Variants in HDAC9 observed in about 807,000 individuals in gnomAD.
HDAC9 encodes the protein histone deacetylase 9.
HDAC9 carries 41 observed loss-of-function variants against 139.4 expected under a neutral mutation model. The observed-to-expected ratio is 0.29, with a 90% confidence interval of 0.23 to 0.38. HDAC9 has a LOEUF of 0.38. HDAC9 is among the 10% of genes least tolerant of loss of function. HDAC9 has a pLI of 1.00. For missense variants in HDAC9, 1,147 were observed against 1,297.0 expected (o/e 0.88, Z 1.78); for synonymous variants, 517 against 476.2 (o/e 1.09, Z -1.12).
At chr7:18,864,545 A>G (rs1798346440) in intron 21 of HDAC9, among the ~76,000 whole-genome samples, 1 of 152,146 alleles carries the variant, frequency 6.6e-6, no homozygotes, top group Non-Finnish European at 1.5e-5. Context: ...CCTACAGGTA[A>G]CATTGTATTA....
At chr7:18,850,213 A>G (rs1338793075) in intron 21 of HDAC9, among the ~76,000 whole-genome samples, 1 of 152,202 alleles carries the variant, frequency 6.6e-6, no homozygotes, top group Non-Finnish European at 1.5e-5. Context: ...AAAACGAGAG[A>G]GAGAAAAAAT....
At chr7:18,910,808 G>C (rs991774390) in intron 22 of HDAC9, among the ~76,000 whole-genome samples, 1 of 151,778 alleles carries the variant, frequency 6.6e-6, no homozygotes, top group African/African-American at 2.4e-5. Flanking sequence ...ACTTGATCAT[G>C]GTGTATAATC....
intron 1 of HDAC9, among the ~76,000 whole-genome samples, chr7:18,325,764 A>G (rs974253362): frequency 3.3e-5 from 5 of 152,146 alleles, no homozygotes; most frequent in African/African-American, 1.2e-4. Context: ...ATATGATTAT[A>G]ATATCATGTT....
At chr7:18,414,461 G>A (rs1374639131) in intron 1 of HDAC9, among the ~76,000 whole-genome samples, 1 of 151,372 alleles carries the variant, frequency 6.6e-6, no homozygotes, top group East Asian at 1.9e-4. Flanking sequence ...ACTTATCTCA[G>A]CCTAACTACA....
chr7:18,934,785 T>C (rs913883740), intron 22 of HDAC9, among the ~76,000 whole-genome samples: 1 of 152,140 alleles, frequency 6.6e-6, no homozygotes, highest in East Asian at 1.9e-4. Flanking sequence ...TTAGCAGATT[T>C]TTAAGACTCA....
At chr7:18,808,682 A>G (rs7790376) in intron 17 of HDAC9, among the ~76,000 whole-genome samples, 22,561 of 152,088 alleles carry the variant, frequency 0.15, 2,085 homozygotes, top group African/African-American at 0.25. Context: ...TCCCATGTTC[A>G]TGGACTGGAA....
At chr7:18,327,331 T>C (rs1464062197) in intron 1 of HDAC9, 3 of 151,910 alleles carry the variant, frequency 2.0e-5, no homozygotes, top group African/African-American at 7.2e-5. Flanking sequence ...AACCTAGATA[T>C]AATGGCCAGA....
chr7:18,598,940 G>T (rs1284967988), intron 6 of HDAC9, among the ~76,000 whole-genome samples: 1 of 152,234 alleles, frequency 6.6e-6, no homozygotes, highest in African/African-American at 2.4e-5. Flanking sequence ...GACTCAGGAG[G>T]CTGAGGAGGG....
chr7:18,347,778 T>C (rs1055365041), intron 1 of HDAC9, among the ~76,000 whole-genome samples: 5 of 151,994 alleles, frequency 3.3e-5, no homozygotes, highest in East Asian at 1.9e-4. Context: ...TTTGTATTTT[T>C]AGTAGAGATG....
At chr7:18,311,093 GTGA>G (rs1554367397) in intron 1 of HDAC9, among the ~76,000 whole-genome samples, 7 of 151,156 alleles carry the variant, frequency 4.6e-5, no homozygotes, top group African/African-American at 4.8e-5. Context: ...CTGGAGAGAG[GTGA>G]TGATGATGAT....
chr7:18,665,603 T>C (rs757436713), intron 11 of HDAC9, among the ~76,000 whole-genome samples: 2 of 152,146 alleles, frequency 1.3e-5, no homozygotes, highest in African/African-American at 2.4e-5. Context: ...ATAAAACATC[T>C]TATTGTTAAT....
intron 1 of HDAC9, among the ~76,000 whole-genome samples, chr7:18,143,341 G>A (rs1204051265): frequency 6.6e-6 from 1 of 152,106 alleles, no homozygotes; most frequent in African/African-American, 2.4e-5. Flanking sequence ...TTTTAAAAAA[G>A]CTCTATGCGT....
chr7:18,965,684 T>C (rs1374211865), intron 24 of HDAC9, among the ~76,000 whole-genome samples: 1 of 152,236 alleles, frequency 6.6e-6, no homozygotes, highest in Non-Finnish European at 1.5e-5. Flanking sequence ...AGTTATTTCA[T>C]GTGAGCTGCG....
chr7:18,825,953 C>G (rs1458222949), intron 17 of HDAC9, among the ~76,000 whole-genome samples: 1 of 150,416 alleles, frequency 6.6e-6, no homozygotes, highest in Non-Finnish European at 1.5e-5. Flanking sequence ...CTATTTGAAT[C>G]TCAATACAAT....
intron 24 of HDAC9, among the ~76,000 whole-genome samples, chr7:18,967,237 T>C (rs1208594709): frequency 6.6e-6 from 1 of 152,186 alleles, no homozygotes; most frequent in East Asian, 1.9e-4. Context: ...TATGTAACAC[T>C]CCATGAAGCA....
chr7:18,943,813 A>G (rs754398249), intron 23 of HDAC9, among the ~76,000 whole-genome samples: 9 of 152,160 alleles, frequency 5.9e-5, no homozygotes, highest in Middle Eastern at 3.4e-3. Context: ...TGTCACTGCT[A>G]TTGACCAGAG....
intron 22 of HDAC9, among the ~76,000 whole-genome samples, chr7:18,916,709 C>G (rs1803242909): frequency 6.6e-6 from 1 of 151,992 alleles, no homozygotes; most frequent in Non-Finnish European, 1.5e-5. Flanking sequence ...GCCATTACTC[C>G]CAAACACCTC....
intron 12 of HDAC9, among the ~76,000 whole-genome samples, chr7:18,721,955 C>T (rs1300058287): frequency 6.6e-6 from 1 of 152,116 alleles, no homozygotes; most frequent in Non-Finnish European, 1.5e-5. Flanking sequence ...CTATGCCCTA[C>T]CACTTAGAAT....
intron 23 of HDAC9, among the ~76,000 whole-genome samples, chr7:18,936,764 T>C (rs560172103): frequency 1.3e-5 from 2 of 152,186 alleles, no homozygotes; most frequent in Non-Finnish European, 2.9e-5. Flanking sequence ...GATAAACATA[T>C]ACAAAATCTT....
Sources: allele counts gnomAD v4.1 joint callset (sites outside exome capture counted in the v4.1 genomes callset), GRCh38; gene constraint gnomAD v4.1.1; transcripts MANE v1.5; gene names NCBI Gene and HGNC (gene_info 2026-07-23, HGNC 2026-07-21).